The following TMEM108 variants were observed in gnomAD, a reference collection of about 807,000 sequenced individuals.
TMEM108 encodes the protein transmembrane protein 108.
In TMEM108, 12 loss-of-function variants were observed where a neutral mutation model predicts 35.1. That is an observed-to-expected ratio of 0.34 (90% CI 0.22 to 0.55). The LOEUF is 0.55. TMEM108 is among the 20% of genes least tolerant of loss of function. The pLI, the probability that TMEM108 is intolerant of heterozygous loss-of-function variation, is 0.89. For missense variants in TMEM108, 680 were observed against 753.3 expected, an observed-to-expected ratio of 0.90 and a Z score of 1.14; for synonymous variants, 287 against 308.6, an observed-to-expected ratio of 0.93 and a Z score of 0.73.
chr3:133,179,403 A>T (rs536510561), intron 2 of TMEM108, among the ~76,000 whole-genome samples: 2,149 of 152,286 alleles, frequency 0.014, 21 homozygotes, highest in Non-Finnish European at 0.021. Flanking sequence ...CTTGGAACCA[A>T]CCCAAATGCC....
chr3:133,181,837 G>A (rs182130770), intron 2 of TMEM108, among the ~76,000 whole-genome samples: 1 of 152,314 alleles, frequency 6.6e-6, no homozygotes, highest in East Asian at 1.9e-4. Flanking sequence ...CCAGGCTGGA[G>A]AAATTCTATT....
At chr3:133,238,494 T>C (rs1946270448) in intron 3 of TMEM108, among the ~76,000 whole-genome samples, 1 of 152,184 alleles carries the variant, frequency 6.6e-6, no homozygotes, top group African/African-American at 2.4e-5. Flanking sequence ...ATAGATAAAA[T>C]ACAGAATTAT....
intron 3 of TMEM108, among the ~76,000 whole-genome samples, chr3:133,260,501 G>A (rs531206800): frequency 1.3e-5 from 2 of 152,290 alleles, no homozygotes; most frequent in South Asian, 2.1e-4. Context: ...AGGCCCTGAA[G>A]TAGGGACCTG....
At chr3:133,350,273 G>C (rs78918244) in intron 3 of TMEM108, among the ~76,000 whole-genome samples, 3 of 152,236 alleles carry the variant, frequency 2.0e-5, no homozygotes, top group South Asian at 2.1e-4. Context: ...GATTACTAGA[G>C]ACTGGGAGGG....
intron 2 of TMEM108, among the ~76,000 whole-genome samples, chr3:133,080,218 T>C (rs536555799): frequency 9.2e-5 from 14 of 152,266 alleles, no homozygotes; most frequent in African/African-American, 3.1e-4. Flanking sequence ...TGGCAGGATG[T>C]CCACTGTCTG....
intron 3 of TMEM108, among the ~76,000 whole-genome samples, chr3:133,309,114 A>T (rs937837788): frequency 2.0e-5 from 3 of 152,076 alleles, no homozygotes; most frequent in African/African-American, 7.3e-5. Flanking sequence ...CCAGGAATTT[A>T]TCCATTTCTT....
chr3:133,057,485 A>ATATATATG (rs1559818497), intron 2 of TMEM108, among the ~76,000 whole-genome samples: 1 of 70,852 alleles, frequency 1.4e-5, no homozygotes, highest in African/African-American at 4.7e-5. Context: ...ATATATATAT[A>ATATATATG]TGTGGGTTTT....
chr3:133,206,666 C>T (rs139560348), intron 2 of TMEM108, among the ~76,000 whole-genome samples: 1 of 152,352 alleles, frequency 6.6e-6, no homozygotes, highest in Non-Finnish European at 1.5e-5. Flanking sequence ...CTGTTCCTTC[C>T]TCTGGAAGCT....
At chr3:133,080,499 G>T (rs1943795839) in intron 2 of TMEM108, among the ~76,000 whole-genome samples, 2 of 152,174 alleles carry the variant, frequency 1.3e-5, no homozygotes, top group South Asian at 4.1e-4. Flanking sequence ...TCTAATCCTT[G>T]TTCCTTCTTC....
intron 3 of TMEM108, among the ~76,000 whole-genome samples, chr3:133,295,492 G>A (rs1160385897): frequency 6.6e-6 from 1 of 152,226 alleles, no homozygotes; most frequent in African/African-American, 2.4e-5. Flanking sequence ...AACATCCTGA[G>A]AGCATTTTGT....
At chr3:133,198,066 G>A (rs1264482447) in intron 2 of TMEM108, among the ~76,000 whole-genome samples, 6 of 152,146 alleles carry the variant, frequency 3.9e-5, no homozygotes, top group Admixed American at 6.6e-5. Flanking sequence ...GTTTCCAGGC[G>A]TCATGCCCCT....
At chr3:133,291,258 G>T (rs890235311) in intron 3 of TMEM108, among the ~76,000 whole-genome samples, 16 of 148,334 alleles carry the variant, frequency 1.1e-4, no homozygotes, top group Admixed American at 2.7e-4. Context: ...CCACCGTGGA[G>T]TTTTTTTTTT....
chr3:133,170,480 C>T (rs189426691), intron 2 of TMEM108, among the ~76,000 whole-genome samples: 59 of 152,162 alleles, frequency 3.9e-4, no homozygotes, highest in African/African-American at 1.4e-3. Context: ...CATGGTTAAA[C>T]CAAAACTAGT....
At chr3:133,258,819 G>T (rs1002524416) in intron 3 of TMEM108, among the ~76,000 whole-genome samples, 5 of 152,318 alleles carry the variant, frequency 3.3e-5, no homozygotes, top group Non-Finnish European at 7.3e-5. Context: ...AAGAGAAAAA[G>T]TTTATTCTTA....
chr3:133,151,071 T>C (rs1449658232), intron 2 of TMEM108, among the ~76,000 whole-genome samples: 2 of 152,134 alleles, frequency 1.3e-5, no homozygotes, highest in African/African-American at 4.8e-5. Context: ...CCTTTTTTAT[T>C]CCTTTAGCTC....
At chr3:133,290,816 T>C (rs1947052904) in intron 3 of TMEM108, among the ~76,000 whole-genome samples, 1 of 152,090 alleles carries the variant, frequency 6.6e-6, no homozygotes, top group Non-Finnish European at 1.5e-5. Context: ...CAGTGGAACC[T>C]GAACTTTGGA....
At chr3:133,368,981 G>A (rs977020964) in intron 3 of TMEM108, among the ~76,000 whole-genome samples, 5 of 152,094 alleles carry the variant, frequency 3.3e-5, no homozygotes, top group Non-Finnish European at 5.9e-5. Context: ...CATCTTAATC[G>A]CATATTCCTA....
At chr3:133,295,428 T>C (rs1360219842) in intron 3 of TMEM108, among the ~76,000 whole-genome samples, 1 of 152,190 alleles carries the variant, frequency 6.6e-6, no homozygotes, top group Non-Finnish European at 1.5e-5. Context: ...TTCTCTGTAA[T>C]TGGAGAGGCT....
intron 3 of TMEM108, among the ~76,000 whole-genome samples, chr3:133,265,017 G>A (rs1189926233): frequency 6.6e-6 from 1 of 152,180 alleles, no homozygotes; most frequent in Non-Finnish European, 1.5e-5. Flanking sequence ...GACTCTTGCT[G>A]GGCACCAGCA....
Sources: gnomAD v4.1 joint callset for allele counts (sites outside exome capture counted in the v4.1 genomes callset) on GRCh38, gnomAD v4.1.1 for gene constraint, MANE v1.5 for transcripts, NCBI Gene and HGNC (gene_info 2026-07-23, HGNC 2026-07-21) for gene names.